Variants in PLXNA4 observed in about 807,000 individuals in gnomAD.
PLXNA4 encodes plexin A4.
PLXNA4 carries 44 observed loss-of-function variants against 191.8 expected under a neutral mutation model. The observed-to-expected ratio is 0.23, with a 90% CI of 0.18 to 0.29. The LOEUF is 0.29. Ranked by LOEUF, PLXNA4 falls within the 10% of genes least tolerant of loss-of-function variation. The pLI is 1.00. For synonymous variants in PLXNA4, 1,082 were observed against 1,009.5 expected (o/e 1.07, Z -1.36); for missense variants, 1,800 against 2,488.8 (o/e 0.72, Z 5.89).
At chr7:132,647,085 A>G (rs1803885909) in intron 1 of PLXNA4, among the ~76,000 whole-genome samples, 1 of 151,998 alleles carries the variant, frequency 6.6e-6, no homozygotes, top group African/African-American at 2.4e-5. Flanking sequence ...ACATTCACAA[A>G]CACCCACATG....
chr7:132,125,730 C>CT lies in PLXNA4; in HGVS notation c.*4748_*4749insA, dbSNP rs569530056. The CT allele has an allele frequency of 1.3e-5, 2 of 149,200 alleles. No individual in the cohort carries two copies. Among genetic ancestry groups the CT allele is most frequent in the Non-Finnish European group, 3.0e-5 (2 of 67,470 alleles). 9.2% of individuals were successfully genotyped at this position (149,200 alleles called of 1,614,324 possible). The stretch of plus-strand genomic sequence containing the variant: ...TGTAGACGAGGACCAGGAGGGATGG[C>CT]GGGGGGGGATTTGGGGCATGGGGAG... On this transcript the variant is annotated 3_prime_UTR_variant, in exon 32 of 32. Transcript: ENST00000321063.
intron 3 of PLXNA4, among the ~76,000 whole-genome samples, chr7:132,340,734 G>C (rs1263142448): frequency 1.3e-5 from 2 of 152,232 alleles, no homozygotes. Context: ...CTAGAGTGCA[G>C]TGATGTGATC....
At chr7:132,173,226 G>C (rs1489797877) in intron 21 of PLXNA4, among the ~76,000 whole-genome samples, 2 of 152,172 alleles carry the variant, frequency 1.3e-5, no homozygotes, top group Admixed American at 1.3e-4. Flanking sequence ...GCAAACGAAG[G>C]TGAGGCTGGA....
chr7:132,144,417 T>C (rs114199366), intron 29 of PLXNA4, among the ~76,000 whole-genome samples: 121 of 152,308 alleles, frequency 7.9e-4, no homozygotes, highest in African/African-American at 2.8e-3. Flanking sequence ...GAGGGGATCA[T>C]AGGGGAGAAC....
At chr7:132,498,958 C>A (rs1418890646) in intron 2 of PLXNA4, among the ~76,000 whole-genome samples, 1 of 152,240 alleles carries the variant, frequency 6.6e-6, no homozygotes, top group Non-Finnish European at 1.5e-5. Context: ...TTGGGACCAT[C>A]TGTGGCCCAA....
chr7:132,332,867 GAAAA>G (rs537591833), intron 3 of PLXNA4, among the ~76,000 whole-genome samples: 1 of 98,582 alleles, frequency 1.0e-5, no homozygotes, highest in African/African-American at 3.9e-5. Flanking sequence ...CTCAAAAAAA[GAAAA>G]AAAAAAAAAA....
chr7:132,263,363 C>T (rs1196170566), intron 4 of PLXNA4, among the ~76,000 whole-genome samples: 2 of 152,224 alleles, frequency 1.3e-5, no homozygotes, highest in South Asian at 2.1e-4. Flanking sequence ...AGCACTTCGA[C>T]CCTGCAAGCC....
intron 3 of PLXNA4, among the ~76,000 whole-genome samples, chr7:132,302,056 T>C (rs1233624422): frequency 1.3e-5 from 2 of 152,176 alleles, no homozygotes; most frequent in Non-Finnish European, 2.9e-5. Context: ...TTGACAAGGT[T>C]CCACATGAAA....
At chr7:132,238,802 C>T (rs1468585958) in intron 5 of PLXNA4, among the ~76,000 whole-genome samples, 1 of 151,732 alleles carries the variant, frequency 6.6e-6, no homozygotes, top group Admixed American at 6.6e-5. Context: ...CAGGGATCAA[C>T]AGAGTCACAA....
chr7:132,172,046 A>ATTTT (rs1346259533), intron 21 of PLXNA4, among the ~76,000 whole-genome samples: 1 of 151,974 alleles, frequency 6.6e-6, no homozygotes, highest in Non-Finnish European at 1.5e-5. Context: ...GGAGGTAGGA[A>ATTTT]TTTTCTCCCC....
At chr7:132,230,257 G>T (rs1417890466) in intron 5 of PLXNA4, among the ~76,000 whole-genome samples, 1 of 152,202 alleles carries the variant, frequency 6.6e-6, no homozygotes, top group African/African-American at 2.4e-5. Context: ...AGCCTACGGA[G>T]CTCTACCTCC....
chr7:132,621,665 G>A (rs553550929), intron 2 of PLXNA4, among the ~76,000 whole-genome samples: 1 of 152,046 alleles, frequency 6.6e-6, no homozygotes, highest in Non-Finnish European at 1.5e-5. Flanking sequence ...GAAATTGCTG[G>A]GTCAAAGGAC....
At chr7:132,202,506 C>A in intron 12 of PLXNA4, 140 bp downstream of exon 12, 1 of 836,828 alleles carries the variant, frequency 1.2e-6, no homozygotes, top group Non-Finnish European at 1.7e-6. Flanking sequence ...AACTAGGGTG[C>A]CATCCAGCCA....
At chr7:132,305,034 C>T (rs1404252353) in intron 3 of PLXNA4, among the ~76,000 whole-genome samples, 1 of 152,182 alleles carries the variant, frequency 6.6e-6, no homozygotes, top group African/African-American at 2.4e-5. Flanking sequence ...CGCAGCAGGA[C>T]CCCTGGTACC....
intron 3 of PLXNA4, chr7:132,383,485 G>A (rs1262880006): frequency 1.2e-6 from 1 of 833,616 alleles, no homozygotes; most frequent in Non-Finnish European, 1.4e-6. Flanking sequence ...CACAACTACT[G>A]TTAGCATTTT....
chr7:132,403,954 A>G (rs1585089314), intron 3 of PLXNA4, among the ~76,000 whole-genome samples: 2 of 152,314 alleles, frequency 1.3e-5, no homozygotes, highest in East Asian at 3.9e-4. Context: ...GGCGGGACTC[A>G]GGAAGTGCAA....
intron 1 of PLXNA4, among the ~76,000 whole-genome samples, chr7:132,543,079 G>T (rs1178860713): frequency 1.3e-5 from 2 of 152,126 alleles, no homozygotes; most frequent in Non-Finnish European, 2.9e-5. Context: ...TGTATTCAAA[G>T]ATTTATTTGT....
At chr7:132,574,497 G>A (rs1216174202) in intron 1 of PLXNA4, among the ~76,000 whole-genome samples, 1 of 152,252 alleles carries the variant, frequency 6.6e-6, no homozygotes, top group African/African-American at 2.4e-5. Flanking sequence ...TGTCACACAT[G>A]GCGGGGGCGG....
chr7:132,358,578 C>A (rs1349427950), intron 3 of PLXNA4, among the ~76,000 whole-genome samples: 6 of 152,106 alleles, frequency 3.9e-5, no homozygotes. Flanking sequence ...AGGTTCCAGG[C>A]CATTATTTAC....
Sources: allele counts gnomAD v4.1 joint callset (sites outside exome capture counted in the v4.1 genomes callset), GRCh38; gene constraint gnomAD v4.1.1; transcripts MANE v1.5; gene names NCBI Gene and HGNC (gene_info 2026-07-23, HGNC 2026-07-21).